The following MYT1 variants were observed in gnomAD, a reference collection of about 807,000 sequenced individuals.
The protein encoded by MYT1 is myelin transcription factor 1.
In MYT1, 23 loss-of-function variants were observed where a neutral mutation model predicts 123.0. That is an observed-to-expected ratio of 0.19 (90% CI 0.13 to 0.26). The LOEUF (loss-of-function observed/expected upper bound fraction) is 0.26, where lower values mean the gene tolerates loss of function less well. Among genes scored for constraint, MYT1 ranks in the 10% least tolerant of loss-of-function variants. The probability of loss-of-function intolerance (pLI) is 1.00; values close to 1 mark genes in which losing one functional copy is unlikely to be tolerated. For missense variants in MYT1, 1,125 were observed against 1,472.5 expected (o/e 0.76, Z 3.86); for synonymous variants, 518 against 575.3 (o/e 0.90, Z 1.43).
At position 64,211,271 on chromosome 20, in the gene MYT1, G is replaced by A. The variant is rs1245535858; in HGVS notation, c.1357G>A (p.Val453Ile). Reference protein sequence around the residue: ...PTPGCDGTGHVTGLYPHHRSL... With the variant: ...PTPGCDGTGHITGLYPHHRSL... ...ACCAGGCTGTGATGGCACTGGCCAC[G>A]TTACCGGGTTGTACCCTCACCACCG... The change falls in exon 8 of 23, where the codon GTT becomes ATT. Residue 453 changes from valine (V) to isoleucine (I), a missense_variant. Around this residue, in one of 4 missense-constraint regions of MYT1, gnomAD observed 429 missense variants for 604.1 expected, o/e 0.71. Coordinates refer to ENST00000328439, the MANE Select transcript of MYT1 (RefSeq NM_004535.3). 3.1e-6 allele frequency: 5 copies of A among 1,614,124 alleles called. No homozygotes were observed. Among genetic ancestry groups the A allele is most frequent in the East Asian group, 2.2e-5 (1 of 44,888 alleles).
Position 64,191,892 on chromosome 20 carries a change from G to A in MYT1, c.-1+1732G>A, listed in dbSNP as rs1982981199. ...AAATATTATTTATCTTGATCATTGA[G>A]TTTTTGGCCTCATTCCCCTCACCCT... On this transcript the variant is annotated intron_variant, in intron 2 of 22. Transcript: ENST00000328439. This position sits in a 1 kb window ranked among gnomAD's most constrained non-coding sequence, Gnocchi z 4.1. The A allele has an allele frequency of 6.6e-6, 1 of 152,134 alleles. No individual in the cohort carries two copies. Among genetic ancestry groups the A allele is most frequent in the Non-Finnish European group, 1.5e-5 (1 of 68,032 alleles). The allele number at this position is 152,134 out of a possible 1,614,324, so 9.4% of individuals were successfully genotyped here.
chr20:64,206,801 G>C (rs1341019699), intron 6 of MYT1, among the ~76,000 whole-genome samples: 2 of 152,228 alleles, frequency 1.3e-5, no homozygotes, highest in Non-Finnish European at 2.9e-5. Flanking sequence ...CTCCGAAGTA[G>C]GTGGATGGCA....
rs1217632309 is a variant in MYT1, at chr20:64,213,795, A to C, written c.1631+148A>C. On this transcript the variant is annotated intron_variant, in intron 10 of 22. Transcript: ENST00000328439. This position sits in a 1 kb window ranked among gnomAD's most constrained non-coding sequence, Gnocchi z 5.6. The stretch of plus-strand genomic sequence containing the variant: ...TGAGTGTACGTGCATGTGAGTGTGC[A>C]CATGCCCCGGGCCCCCCAGGAGCAG... 1.4e-6 allele frequency: 1 copy of C among 700,898 alleles called. No individual in the cohort carries two copies. Among genetic ancestry groups the C allele is most frequent in the South Asian group, 1.8e-5 (1 of 55,038 alleles). 43.4% of individuals were successfully genotyped at this position (700,898 alleles called of 1,614,324 possible). A position where few individuals can be genotyped will look rare whatever the true frequency, so the allele number is the denominator to read the frequency against.
chr20:64,240,284 A>G (rs1307408743), intron 22 of MYT1, 36 bp from the exon 23 acceptor site: 1 of 1,605,894 alleles, frequency 6.2e-7, no homozygotes, highest in South Asian at 1.1e-5. Context: ...GGCCCACTGC[A>G]TGGACGGAGC....
At position 64,165,585 on chromosome 20, in the gene MYT1, C is replaced by T. The variant is rs148626634; in HGVS notation, c.-99+846C>T. On this transcript the variant is annotated intron_variant, in intron 1 of 22. Transcript: ENST00000328439. ...GCTTTGTGTTGGAGTGGTGGGTTCTCACTGCTCCTCCTGAGTCACCAAGGG... is the reference window on the plus strand; with the variant it reads ...GCTTTGTGTTGGAGTGGTGGGTTCTTACTGCTCCTCCTGAGTCACCAAGGG... Among the ~76,000 whole-genome samples the T allele has an allele frequency of 4.6e-5, 7 of 152,252 alleles. No homozygotes were observed. In the East Asian group the frequency reaches 1.3e-3, roughly 29 times the overall value.
intron 4 of MYT1, among the ~76,000 whole-genome samples, chr20:64,201,020 C>T (rs73159501): frequency 0.091 from 13,825 of 152,192 alleles, 813 homozygotes; most frequent in South Asian, 0.13. Context: ...CAGAAGGACC[C>T]CGAGTAAAGG....
rs879764980 is a variant in MYT1, at chr20:64,212,220, AGGGTGGGGGCCGTG to A, written c.1517+84_1517+97del. The A allele has an allele frequency of 0.29, 7,558 of 26,386 alleles. 651 individuals carry two copies. Among genetic ancestry groups the A allele is most frequent in the African/African-American group, 0.45 (3,108 of 6,960 alleles). 1.6% of individuals were successfully genotyped at this position (26,386 alleles called of 1,614,324 possible). ...CAGGGTGGGGGCCGTGGTGGGGGCC[AGGGTGGGGGCCGTG>A]GTGGGGGCCAGGGTGGGGGCCGTGG... On this transcript the variant is annotated intron_variant, in intron 9 of 22. Coordinates refer to ENST00000328439, the MANE Select transcript of MYT1 (RefSeq NM_004535.3). The surrounding 1 kb of genome is among the most constrained non-coding windows in gnomAD (Gnocchi z 6.8).
At chr20:64,169,745 A>G (rs1185523264) in intron 1 of MYT1, among the ~76,000 whole-genome samples, 5 of 152,186 alleles carry the variant, frequency 3.3e-5, no homozygotes, top group Admixed American at 6.5e-5. Context: ...CTGGGCCTTA[A>G]TCTTCGAATG....
rs964389448 is a variant in MYT1 at position 64,186,162 on chromosome 20, C to T, written c.-98-3901C>T. 6.6e-5 allele frequency among the ~76,000 whole-genome samples: 10 copies of T among 152,182 alleles called. No homozygotes were observed. The highest frequency in any genetic ancestry group is 2.2e-4 in the African/African-American group (9 of 41,518). On this transcript the variant is annotated intron_variant, in intron 1 of 22. Transcript: ENST00000328439. This position sits in a 1 kb window ranked among gnomAD's most constrained non-coding sequence, Gnocchi z 4.3. ...TCCTGAGTTTTTCTGCCCACAAGAGCCCCATAAAAGTGAGTGTGGGGCCAC... is the reference window on the plus strand; with the variant it reads ...TCCTGAGTTTTTCTGCCCACAAGAGTCCCATAAAAGTGAGTGTGGGGCCAC...
intron 16 of MYT1, among the ~76,000 whole-genome samples, chr20:64,226,179 G>GC (rs1412777349): frequency 6.6e-6 from 1 of 152,244 alleles, no homozygotes; most frequent in Admixed American, 6.5e-5. Flanking sequence ...TGGCTGGCCA[G>GC]CAAGGTATCC....
intron 21 of MYT1, 127 bp downstream of exon 21, chr20:64,237,517 A>G: frequency 1.4e-6 from 1 of 700,892 alleles, no homozygotes; most frequent in Non-Finnish European, 2.4e-6. Context: ...CGGACAGCGC[A>G]GTGGCTGGCA....
Position 64,192,282 on chromosome 20 carries a change from T to A in MYT1, c.-1+2122T>A, listed in dbSNP as rs150027949. Among the ~76,000 whole-genome samples, 95 of 152,178 alleles carry A rather than the reference T, an allele frequency of 6.2e-4. No individual in the cohort carries two copies. The highest frequency in any genetic ancestry group is 2.1e-3 in the African/African-American group (88 of 41,526). On this transcript the variant is annotated intron_variant, in intron 2 of 22. Coordinates refer to ENST00000328439, the MANE Select transcript of MYT1 (RefSeq NM_004535.3). This position sits in a 1 kb window ranked among gnomAD's most constrained non-coding sequence, Gnocchi z 5.3. ...ACTGCTCTGAATAGAGAAGCTAAGA[T>A]GAAAAGTGTGCCAGAGAAGGCGAGA... is the stretch of plus-strand genomic sequence containing the variant.
chr20:64,225,574 G>T (rs1984147484), intron 16 of MYT1, among the ~76,000 whole-genome samples: 1 of 152,196 alleles, frequency 6.6e-6, no homozygotes, highest in Admixed American at 6.5e-5. Flanking sequence ...CCACAGCACG[G>T]GGATGGGGCT....
chr20:64,176,844 C>T (rs1982472099), intron 1 of MYT1, among the ~76,000 whole-genome samples: 1 of 152,214 alleles, frequency 6.6e-6, no homozygotes, highest in Non-Finnish European at 1.5e-5. Flanking sequence ...CACTCCTCCC[C>T]TGTTGGCAGC....
intron 16 of MYT1, among the ~76,000 whole-genome samples, chr20:64,223,962 A>T (rs1004761188): frequency 1.3e-5 from 2 of 152,174 alleles, no homozygotes; most frequent in Non-Finnish European, 2.9e-5. Flanking sequence ...TGGGCAGGGC[A>T]GGCCCTGCAG....
At position 64,203,795 on chromosome 20, in the gene MYT1, C is replaced by T. The variant is rs577374153; in HGVS notation, c.87-1240C>T. Among the ~76,000 whole-genome samples, 84 of 152,346 alleles carry T rather than the reference C, an allele frequency of 5.5e-4. No homozygotes were observed. Among genetic ancestry groups the T allele is most frequent in the African/African-American group, 1.6e-3 (66 of 41,572 alleles). Reference sequence around the variant, plus strand: ...GGCCTGTGATCAGTCGAATTAGAAACGATCAGAGGTGTCTGGATAGAGACT... The same window carrying T: ...GGCCTGTGATCAGTCGAATTAGAAATGATCAGAGGTGTCTGGATAGAGACT... On this transcript the variant is annotated intron_variant, in intron 4 of 22. Transcript: ENST00000328439. This position sits in a 1 kb window ranked among gnomAD's most constrained non-coding sequence, Gnocchi z 5.1.
chr20:64,170,481 G>C (rs1982218543), intron 1 of MYT1, among the ~76,000 whole-genome samples: 1 of 152,102 alleles, frequency 6.6e-6, no homozygotes, highest in Admixed American at 6.6e-5. Flanking sequence ...AGGTTGGAAG[G>C]ACACTTGTGT....
chr20:64,203,373 A>G lies in MYT1; in HGVS notation c.87-1662A>G, dbSNP rs1341741488. Among the ~76,000 whole-genome samples, 3 of 152,186 alleles carry G rather than the reference A, an allele frequency of 2.0e-5. No individual in the cohort carries two copies. The highest frequency in any genetic ancestry group is 2.9e-5 in the Non-Finnish European group (2 of 68,030). ...AAGTCCCAAAGCTAGTTCTCCAAAG[A>G]GTGAAAGCAAGTGTGGGCCTGGATT... On this transcript the variant is annotated intron_variant, in intron 4 of 22. Transcript: ENST00000328439. The surrounding 1 kb of genome is among the most constrained non-coding windows in gnomAD (Gnocchi z 5.1).
rs567349223 is a variant in MYT1, at chr20:64,202,497, A to G, written c.87-2538A>G. 4.6e-4 allele frequency among the ~76,000 whole-genome samples: 70 copies of G among 152,180 alleles called. No individual in the cohort carries two copies. The highest frequency in any genetic ancestry group is 1.5e-3 in the African/African-American group (64 of 41,532). On this transcript the variant is annotated intron_variant, in intron 4 of 22. Coordinates refer to ENST00000328439, the MANE Select transcript of MYT1 (RefSeq NM_004535.3). This position sits in a 1 kb window ranked among gnomAD's most constrained non-coding sequence, Gnocchi z 5.0. ...AACACCGAGTTCAGGACCATCTCCA[A>G]GTTCAGAGAGAGAACACGTCTGTAG... is the stretch of plus-strand genomic sequence containing the variant.
Sources: allele counts gnomAD v4.1 joint callset (sites outside exome capture counted in the v4.1 genomes callset), GRCh38; gene constraint gnomAD v4.1.1; regional missense constraint gnomAD v4.1.1; non-coding constraint Gnocchi (gnomAD v3.1); transcripts MANE v1.5; gene names NCBI Gene and HGNC (gene_info 2026-07-23, HGNC 2026-07-21).